MTM1: variants seen among roughly 807,000 people sequenced by gnomAD.
MTM1 encodes the protein myotubularin.
Under a neutral mutation model 52.1 loss-of-function variants are expected in MTM1, and 9 were observed. The ratio of observed to expected loss-of-function variants is 0.17; its 90% CI spans 0.10 to 0.30. MTM1 has a LOEUF of 0.30. MTM1 is among the 10% of genes least tolerant of loss of function. The pLI, the probability that MTM1 is intolerant of heterozygous loss-of-function variation, is 1.00. For synonymous variants in MTM1, 136 were observed against 163.8 expected (o/e 0.83, Z 1.29); for missense variants, 277 against 470.7 (o/e 0.59, Z 3.81).
At chrX:150,643,406 C>T (rs1473071989) in intron 8 of MTM1, among the ~76,000 whole-genome samples, 2 of 111,232 alleles carry the variant, frequency 1.8e-5, no homozygotes, top group African/African-American at 6.5e-5. Context: ...GAGTAATGCA[C>T]GTTCATTTTA....
chrX:150,624,275 A>G (rs2039529919), intron 6 of MTM1, among the ~76,000 whole-genome samples: 1 of 112,120 alleles, frequency 8.9e-6, no homozygotes, highest in Non-Finnish European at 1.9e-5. Context: ...TTAAAAATCT[A>G]TTTGCTTTGC....
intron 1 of MTM1, among the ~76,000 whole-genome samples, chrX:150,571,414 G>A (rs1557411459): frequency 9.0e-6 from 1 of 111,573 alleles, no homozygotes. Flanking sequence ...TTATCTGTGT[G>A]ACTTTAGGCA....
At chrX:150,591,735 T>C (rs782661531) in intron 1 of MTM1, among the ~76,000 whole-genome samples, 1 of 112,980 alleles carries the variant, frequency 8.9e-6, no homozygotes, top group South Asian at 3.6e-4. Context: ...CCGGCATAAA[T>C]GGGTTAATGT....
At chrX:150,598,194 A>C (rs1226704665) in intron 3 of MTM1, among the ~76,000 whole-genome samples, 1 of 112,787 alleles carries the variant, frequency 8.9e-6, no homozygotes, top group Non-Finnish European at 1.9e-5. Context: ...CTCATCTCTC[A>C]GTCTAGTGGT....
At chrX:150,581,387 A>C (rs1047914194) in intron 1 of MTM1, among the ~76,000 whole-genome samples, 5 of 111,930 alleles carry the variant, frequency 4.5e-5, no homozygotes, top group African/African-American at 1.6e-4. Context: ...ATTACATGAT[A>C]GTTGCACCTC....
intron 6 of MTM1, among the ~76,000 whole-genome samples, chrX:150,622,594 G>A (rs782314012): frequency 4.5e-5 from 5 of 112,008 alleles, no homozygotes; most frequent in Admixed American, 3.8e-4. Context: ...CAAGAGAAAC[G>A]CAAAGGAAAT....
At chrX:150,658,588 A>T (rs60775453) in intron 11 of MTM1, among the ~76,000 whole-genome samples, 36 of 110,344 alleles carry the variant, frequency 3.3e-4, no homozygotes, top group Admixed American at 9.6e-5. Context: ...AATAAATAAA[A>T]ATTTTTTAAA....
rs187914761 is a variant in MTM1 at position 150,647,082 on chromosome X, G to A, written c.867+1211G>A. The stretch of plus-strand genomic sequence containing the variant: ...TAAGTTAAATTGACAAGTAAATTAG[G>A]AATCGTAAGTGAAACACTCAGGAAA... On this transcript the variant is annotated intron_variant, in intron 9 of 14. Transcript: ENST00000370396. 9.9e-4 allele frequency among the ~76,000 whole-genome samples: 108 copies of A among 109,416 alleles called. 2 individuals carry two copies. In the East Asian group the frequency reaches 0.019, roughly 20 times the overall value.
intron 6 of MTM1, among the ~76,000 whole-genome samples, chrX:150,629,122 C>T (rs968695413): frequency 9.0e-6 from 1 of 111,583 alleles, no homozygotes; most frequent in Non-Finnish European, 1.9e-5. Context: ...ATCCCTTGCC[C>T]GCAAACTTCA....
rs1232237366 is a variant in MTM1 at position 150,583,591 on chromosome X, T to A, written c.-10-9014T>A. On this transcript the variant is annotated intron_variant, in intron 1 of 14. Coordinates refer to ENST00000370396, the MANE Select transcript of MTM1 (RefSeq NM_000252.3). Reference sequence around the variant, plus strand: ...TATAATTTATATATAATATATATAATTTATATATAATATATAATTTATATA... The same window carrying A: ...TATAATTTATATATAATATATATAAATTATATATAATATATAATTTATATA... Among the ~76,000 whole-genome samples, 48 of 32,335 alleles carry A rather than the reference T, an allele frequency of 1.5e-3. 3 individuals are homozygous for A. The highest frequency in any genetic ancestry group is 6.9e-4 in the Non-Finnish European group (15 of 21,745). The allele number at this position is 32,335 out of a possible 115,157, so 28.1% of individuals were successfully genotyped here.
At position 150,645,890 on chromosome X, in the gene MTM1, GTGC is replaced by G; in HGVS notation, c.867+22_867+24del. ...CAACAAGGTGAGTGGACTTAATGAT[GTGC>G]TGGACACTTAGCTTACATATGGAGT... On this transcript the variant is annotated intron_variant, in intron 9 of 14. Coordinates refer to ENST00000370396, the MANE Select transcript of MTM1 (RefSeq NM_000252.3). The G allele has an allele frequency of 8.4e-7, 1 of 1,190,867 alleles. No individual in the cohort carries two copies.
chrX:150,640,463 T>G (rs1156925358), intron 7 of MTM1, among the ~76,000 whole-genome samples: 1 of 111,734 alleles, frequency 8.9e-6, no homozygotes, highest in Non-Finnish European at 1.9e-5. Flanking sequence ...AGGTACAATG[T>G]CTGTCCCCAA....
At chrX:150,567,040 G>C (rs1451982011), upstream of MTM1, among the ~76,000 whole-genome samples, 2 of 111,376 alleles carry the variant, frequency 1.8e-5, no homozygotes, top group South Asian at 3.8e-4. Flanking sequence ...AGGGCTGGGT[G>C]GGGGAGACTT....
chrX:150,649,610 G>T, intron 9 of MTM1, 106 bp from the exon 10 acceptor site: 1 of 680,215 alleles, frequency 1.5e-6, no homozygotes, highest in South Asian at 2.5e-5. Flanking sequence ...CATTTAAATT[G>T]GAGGGTTTGG....
chrX:150,614,755 T>C, intron 5 of MTM1, 56 bp downstream of exon 5: 2 of 618,955 alleles, frequency 3.2e-6, no homozygotes, highest in Non-Finnish European at 5.4e-6. Context: ...TGTTGAATGA[T>C]AGTAGACAAT....
chrX:150,664,133 A>G (rs1027144042), intron 14 of MTM1, among the ~76,000 whole-genome samples: 4 of 112,663 alleles, frequency 3.6e-5, no homozygotes, highest in Admixed American at 2.8e-4. Context: ...ATGAGTTTGA[A>G]GTGAAAGACT....
intron 1 of MTM1, among the ~76,000 whole-genome samples, chrX:150,569,473 C>G (rs1333178290): frequency 3.6e-5 from 4 of 112,631 alleles, no homozygotes; most frequent in Non-Finnish European, 7.5e-5. Context: ...GAAACAGATA[C>G]ACCAGATCTT....
At chrX:150,640,129 G>A (rs951500108) in intron 7 of MTM1, among the ~76,000 whole-genome samples, 15 of 111,550 alleles carry the variant, frequency 1.3e-4, no homozygotes, top group Middle Eastern at 4.7e-3. Context: ...CTACTGAGGC[G>A]GAAGAAGGAC....
At chrX:150,618,665 TAAATA>T (rs1414108636) in intron 5 of MTM1, among the ~76,000 whole-genome samples, 1 of 111,112 alleles carries the variant, frequency 9.0e-6, no homozygotes, top group Non-Finnish European at 1.9e-5. Context: ...AAAACTAAAT[TAAATA>T]AAATAAATTT....
Sources: gnomAD v4.1 joint callset for allele counts (sites outside exome capture counted in the v4.1 genomes callset) on GRCh38, gnomAD v4.1.1 for gene constraint, MANE v1.5 for transcripts, NCBI Gene and HGNC (gene_info 2026-07-23, HGNC 2026-07-21) for gene names.